Variants in XPO7 observed in about 807,000 individuals in gnomAD.
XPO7 encodes exportin 7, also known as exportin-7.
In XPO7, 21 loss-of-function variants were observed where a neutral mutation model predicts 144.3. The observed-to-expected ratio is 0.15, with a 90% CI of 0.10 to 0.21. The LOEUF is 0.21. XPO7 is among the 10% of genes least tolerant of loss of function. The pLI is 1.00. For missense variants in XPO7, 808 were observed against 1,325.8 expected (o/e 0.61, Z 6.06); for synonymous variants, 580 against 499.6 (o/e 1.16, Z -2.15).
rs556462753 is a variant in XPO7, at chr8:21,938,293, A to G, written c.18+18505A>G. The stretch of plus-strand genomic sequence containing the variant: ...CTTTTATATTTTTGTTAACATTTAC[A>G]TAACATAAAACTTAAAATTTGAAAG... On this transcript the variant is annotated intron_variant, in intron 1 of 27. Transcript: ENST00000252512. 4.6e-5 allele frequency among the ~76,000 whole-genome samples: 7 copies of G among 152,338 alleles called. No individual in the cohort carries two copies. The South Asian group carries it at 1.2e-3, about 27-fold the overall frequency.
At chr8:21,934,046 C>T (rs11135735) in intron 1 of XPO7, among the ~76,000 whole-genome samples, 87,057 of 151,986 alleles carry the variant, frequency 0.57, 25,404 homozygotes, top group African/African-American at 0.68. Context: ...TTCAGTTGTA[C>T]ATTGTTCCAG....
At chr8:21,934,768 TGCAG>T (rs1166318986) in intron 1 of XPO7, among the ~76,000 whole-genome samples, 2 of 152,204 alleles carry the variant, frequency 1.3e-5, no homozygotes, top group African/African-American at 2.4e-5. Context: ...TGGATTGCTA[TGCAG>T]GCATTCAAGC....
chr8:21,929,616 G>A (rs1248685918), intron 1 of XPO7, among the ~76,000 whole-genome samples: 9 of 152,200 alleles, frequency 5.9e-5, no homozygotes, highest in Admixed American at 2.0e-4. Flanking sequence ...GCTAAGTCCT[G>A]ATTCACTAGC....
At chr8:21,968,508 G>T (rs1811955814) in intron 2 of XPO7, among the ~76,000 whole-genome samples, 1 of 152,292 alleles carries the variant, frequency 6.6e-6, no homozygotes, top group East Asian at 1.9e-4. Flanking sequence ...AAATCACTTG[G>T]TGTTTGGATT....
At chr8:21,984,607 A>G in intron 11 of XPO7, 39 bp from the exon 12 acceptor site, 1 of 1,545,786 alleles carries the variant, frequency 6.5e-7, no homozygotes, top group Non-Finnish European at 8.7e-7. Context: ...CAGTAGTCAT[A>G]TTTTAAGAGA....
At chr8:21,992,695 C>T (rs553928034) in intron 19 of XPO7, among the ~76,000 whole-genome samples, 2 of 152,116 alleles carry the variant, frequency 1.3e-5, no homozygotes, top group African/African-American at 4.8e-5. Flanking sequence ...ATTATAGGCA[C>T]GAGACACGAT....
rs756056417 is a variant in XPO7 at position 21,985,710 on chromosome 8, A to G, written c.1577+19A>G. The G allele has an allele frequency of 3.1e-5, 50 of 1,607,726 alleles. 1 individual carries two copies. The highest frequency in any genetic ancestry group is 3.8e-5 in the Non-Finnish European group (45 of 1,175,506). On this transcript the variant is annotated intron_variant, in intron 13 of 27. Coordinates refer to ENST00000252512, the MANE Select transcript of XPO7 (RefSeq NM_015024.5). ...TCTGTCGGTAAGTGCTCCCCACAGAAGCTCTCCACTCTGCCTTGCTGGCAC... is the reference window on the plus strand; with the variant it reads ...TCTGTCGGTAAGTGCTCCCCACAGAGGCTCTCCACTCTGCCTTGCTGGCAC...
intron 25 of XPO7, chr8:22,002,843 G>A (rs558524597): frequency 5.8e-6 from 1 of 171,130 alleles, no homozygotes; most frequent in South Asian, 1.5e-4. Flanking sequence ...AATAATTCAG[G>A]ACTCCATTAC....
At chr8:21,965,321 A>G (rs1340902665) in intron 1 of XPO7, among the ~76,000 whole-genome samples, 1 of 152,098 alleles carries the variant, frequency 6.6e-6, no homozygotes, top group East Asian at 1.9e-4. Flanking sequence ...TGGCTTTTGC[A>G]TGTATTTTAT....
chr8:21,924,921 T>C (rs1361687730), intron 1 of XPO7, among the ~76,000 whole-genome samples: 1 of 152,154 alleles, frequency 6.6e-6, no homozygotes, highest in Non-Finnish European at 1.5e-5. Context: ...AATATCCCAT[T>C]TTTGTTACTG....
chr8:21,971,748 C>A, intron 4 of XPO7, 128 bp from the exon 5 acceptor site: 2 of 590,572 alleles, frequency 3.4e-6, no homozygotes, highest in South Asian at 3.3e-5. Flanking sequence ...ACTATGATTC[C>A]TTGCTGCCTT....
rs565879358 is a variant in XPO7, at chr8:22,000,774, G to T, written c.2782+1100G>T. Among the ~76,000 whole-genome samples, 3 of 152,260 alleles carry T rather than the reference G, an allele frequency of 2.0e-5. No homozygotes were observed. The East Asian group carries it at 5.8e-4, about 29-fold the overall frequency. On this transcript the variant is annotated intron_variant, in intron 24 of 27. Transcript: ENST00000252512. ...GGCCCAACAATCTTAGTAGGTATAT[G>T]TGTTCAGAGAATAAAACACATTTTT...
At chr8:21,949,721 T>C (rs1406767710) in intron 1 of XPO7, among the ~76,000 whole-genome samples, 2 of 151,994 alleles carry the variant, frequency 1.3e-5, no homozygotes, top group Non-Finnish European at 2.9e-5. Context: ...AGGCTGTTTG[T>C]TGTTGTTATT....
chr8:22,000,453 AT>A (rs34272523), intron 24 of XPO7, among the ~76,000 whole-genome samples: 251 of 128,698 alleles, frequency 2.0e-3, no homozygotes, highest in African/African-American at 4.2e-3. Flanking sequence ...CCTTCCAACA[AT>A]TTTTTTTTTT....
rs954593655 is a variant in XPO7 at position 21,987,765 on chromosome 8, T to A, written c.1714-19T>A. ...GTTGTAATTCATGTGTTCTGGTTAC[T>A]TTCTCTTCTTAACACCAGCTGTACC... On this transcript the variant is annotated intron_variant, in intron 14 of 27. Transcript: ENST00000252512. The A allele has an allele frequency of 6.2e-7, 1 of 1,613,602 alleles. No individual in the cohort carries two copies. Among genetic ancestry groups the A allele is most frequent in the African/African-American group, 1.3e-5 (1 of 75,044 alleles).
intron 1 of XPO7, among the ~76,000 whole-genome samples, chr8:21,926,892 G>A (rs916702057): frequency 1.2e-4 from 18 of 152,138 alleles, no homozygotes; most frequent in Non-Finnish European, 8.8e-5. Context: ...GGATCCCTGC[G>A]AGGTCTTGTC....
intron 1 of XPO7, among the ~76,000 whole-genome samples, chr8:21,920,834 A>G (rs1023178084): frequency 6.6e-6 from 1 of 152,218 alleles, no homozygotes; most frequent in Non-Finnish European, 1.5e-5. Flanking sequence ...TTAGAGGGCA[A>G]GAAGTGTCGC....
intron 13 of XPO7, among the ~76,000 whole-genome samples, chr8:21,986,647 G>A (rs535064357): frequency 6.6e-6 from 1 of 152,258 alleles, no homozygotes; most frequent in African/African-American, 2.4e-5. Context: ...CTGCAGCCGA[G>A]TTCAATACTG....
chr8:21,991,936 A>G lies in XPO7; in HGVS notation c.2110A>G (p.Met704Val). The G allele has an allele frequency of 6.2e-7, 1 of 1,613,732 alleles. No individual in the cohort carries two copies. The highest frequency in any genetic ancestry group is 1.1e-5 in the South Asian group (1 of 90,992). The change falls in exon 19 of 28, where the codon ATG becomes GTG. Residue 704 changes from methionine to valine, a missense_variant. By Grantham distance (21) the Met-to-Val change is conservative. Coordinates refer to ENST00000252512, the MANE Select transcript of XPO7 (RefSeq NM_015024.5). ...LTAAFEAVAQ[M>V]FSTNSFNEQE... Reference sequence around the variant, plus strand: ...AGCAGCATTTGAGGCTGTGGCCCAGATGTTTAGCACCAATAGTTTCAACGA... The same window carrying G: ...AGCAGCATTTGAGGCTGTGGCCCAGGTGTTTAGCACCAATAGTTTCAACGA...
Sources: gnomAD v4.1 joint callset for allele counts (sites outside exome capture counted in the v4.1 genomes callset) on GRCh38, gnomAD v4.1.1 for gene constraint, MANE v1.5 for transcripts, NCBI Gene and HGNC (gene_info 2026-07-23, HGNC 2026-07-21) for gene names.